ATP11B: variants seen among roughly 807,000 people sequenced by gnomAD.
ATP11B encodes ATPase phospholipid transporting 11B (putative).
A neutral mutation model predicts 157.8 loss-of-function variants in ATP11B; 81 were observed. The observed-to-expected ratio is 0.51, with a 90% CI of 0.43 to 0.62. ATP11B has a LOEUF of 0.62. Ranked by LOEUF, ATP11B falls within the 20% of genes least tolerant of loss-of-function variation. The pLI is 0.00. For synonymous variants in ATP11B, 451 were observed against 469.4 expected (o/e 0.96, Z 0.51); for missense variants, 1,165 against 1,402.2 (o/e 0.83, Z 2.70).
intron 4 of ATP11B, among the ~76,000 whole-genome samples, chr3:182,834,578 T>G (rs925923382): frequency 6.6e-6 from 1 of 152,196 alleles, no homozygotes; most frequent in African/African-American, 2.4e-5. Context: ...TTACTCTTTC[T>G]TAGATATGAT....
At chr3:182,909,833 G>A (rs1016411497) in intron 28 of ATP11B, among the ~76,000 whole-genome samples, 1 of 152,108 alleles carries the variant, frequency 6.6e-6, no homozygotes, top group Non-Finnish European at 1.5e-5. Context: ...GGAGGCTGAG[G>A]TGGGCGGATT....
intron 10 of ATP11B, among the ~76,000 whole-genome samples, chr3:182,852,709 G>A (rs1720075004): frequency 6.6e-6 from 1 of 152,170 alleles, no homozygotes; most frequent in East Asian, 1.9e-4. Flanking sequence ...TACAAAAACT[G>A]ACTCAAAGTG....
intron 7 of ATP11B, among the ~76,000 whole-genome samples, chr3:182,841,601 G>A: frequency 6.6e-6 from 1 of 152,084 alleles, no homozygotes; most frequent in Non-Finnish European, 1.5e-5. Flanking sequence ...AAAGCTTAAG[G>A]ACTGATAAGT....
In ATP11B at chr3:182,839,074, A is replaced by C. The variant is rs537693560; in HGVS notation, c.656+1900A>C. On this transcript the variant is annotated intron_variant, in intron 7 of 29. Coordinates refer to ENST00000323116, the MANE Select transcript of ATP11B (RefSeq NM_014616.3). ...AGATTGGATAAAGAAAATGAGGTAC[A>C]TATACACCACAGAATACTATGTAGG... Among the ~76,000 whole-genome samples the C allele has an allele frequency of 1.1e-4, 17 of 152,318 alleles. No homozygotes were observed. The East Asian group carries it at 3.1e-3, about 28-fold the overall frequency.
In ATP11B at chr3:182,793,686, T is replaced by A; in HGVS notation, c.-74T>A. The A allele has an allele frequency of 9.4e-7, 1 of 1,068,230 alleles. No individual in the cohort carries two copies. 66.2% of individuals were successfully genotyped at this position (1,068,230 alleles called of 1,614,324 possible). ...CCCGAGGGGCTCGCCCGCTCCCGCCTCTGTCTTGTCGGCCTCCACCTGCAG... is the reference window on the plus strand; with the variant it reads ...CCCGAGGGGCTCGCCCGCTCCCGCCACTGTCTTGTCGGCCTCCACCTGCAG... On this transcript the variant is annotated 5_prime_UTR_variant, in exon 1 of 30. Transcript: ENST00000323116.
chr3:182,793,550 G>A lies in ATP11B; in HGVS notation c.-210G>A. 2.8e-6 allele frequency: 1 copy of A among 360,630 alleles called. No homozygotes were observed. The highest frequency in any genetic ancestry group is 4.9e-6 in the Non-Finnish European group (1 of 202,548). The allele number at this position is 360,630 out of a possible 1,614,324, so 22.3% of individuals were successfully genotyped here. ...GCGGCGGCAGGCTCAGCTGCGCCGG[G>A]CGGGGGCGGCGCCGGGGCCGCGCCT... On this transcript the variant is annotated 5_prime_UTR_variant, in exon 1 of 30. Transcript: ENST00000323116.
intron 8 of ATP11B, among the ~76,000 whole-genome samples, chr3:182,845,196 G>C (rs752133211): frequency 1.3e-5 from 2 of 151,842 alleles, no homozygotes; most frequent in African/African-American, 2.4e-5. Context: ...TAGCAGAGAC[G>C]GGGTTTCACC....
At chr3:182,838,124 G>A (rs538308374) in intron 7 of ATP11B, among the ~76,000 whole-genome samples, 21 of 151,992 alleles carry the variant, frequency 1.4e-4, no homozygotes, top group African/African-American at 5.1e-4. Context: ...CTTTATAATG[G>A]AGGTTTTCTC....
chr3:182,850,733 G>T (rs964944142), intron 10 of ATP11B, among the ~76,000 whole-genome samples: 1 of 151,966 alleles, frequency 6.6e-6, no homozygotes, highest in African/African-American at 2.4e-5. Flanking sequence ...CCCACTACTG[G>T]GTTTTATCCA....
At chr3:182,835,283 T>C (rs1460922541) in intron 4 of ATP11B, among the ~76,000 whole-genome samples, 4 of 152,222 alleles carry the variant, frequency 2.6e-5, no homozygotes, top group African/African-American at 9.6e-5. Context: ...TCTGTCAGTC[T>C]GTTGTTTAAG....
intron 1 of ATP11B, among the ~76,000 whole-genome samples, chr3:182,797,532 A>C (rs1326634881): frequency 6.6e-6 from 1 of 152,098 alleles, no homozygotes; most frequent in East Asian, 1.9e-4. Flanking sequence ...ACATGGTGAA[A>C]CCTCATCTCT....
intron 1 of ATP11B, among the ~76,000 whole-genome samples, chr3:182,798,298 C>T (rs1715759888): frequency 6.6e-6 from 1 of 152,114 alleles, no homozygotes; most frequent in African/African-American, 2.4e-5. Context: ...TATTCACCTG[C>T]CAAATGTTGG....
intron 27 of ATP11B, among the ~76,000 whole-genome samples, chr3:182,897,842 A>G (rs1723662330): frequency 6.6e-6 from 1 of 152,120 alleles, no homozygotes; most frequent in African/African-American, 2.4e-5. Context: ...TCACAAAAGT[A>G]AGTAGTATGC....
intron 1 of ATP11B, among the ~76,000 whole-genome samples, chr3:182,796,647 G>T (rs1466021306): frequency 6.6e-6 from 1 of 152,172 alleles, no homozygotes; most frequent in African/African-American, 2.4e-5. Context: ...TAAAGCACTT[G>T]CTGTGTGCTG....
At chr3:182,830,835 A>G (rs568995216) in intron 4 of ATP11B, among the ~76,000 whole-genome samples, 4 of 152,178 alleles carry the variant, frequency 2.6e-5, no homozygotes, top group Non-Finnish European at 5.9e-5. Context: ...TCACTTTTCC[A>G]TTGGAGATTA....
intron 29 of ATP11B, chr3:182,916,840 T>TG (rs1467957239): frequency 3.0e-6 from 3 of 983,782 alleles, no homozygotes; most frequent in East Asian, 2.3e-4. Flanking sequence ...TCCGGATAAT[T>TG]GGAGTACTGA....
At chr3:182,812,092 T>A (rs1308977056) in intron 1 of ATP11B, among the ~76,000 whole-genome samples, 1 of 152,242 alleles carries the variant, frequency 6.6e-6, no homozygotes, top group South Asian at 2.1e-4. Context: ...GACATCTTTT[T>A]TTACTTCAAT....
At chr3:182,917,906 A>T in intron 29 of ATP11B, 117 bp from the exon 30 acceptor site, 1 of 1,422,906 alleles carries the variant, frequency 7.0e-7, no homozygotes, top group African/African-American at 1.4e-5. Flanking sequence ...ACCTCTCTTT[A>T]GTATTTAAAT....
At chr3:182,849,423 A>G (rs962412729) in intron 10 of ATP11B, among the ~76,000 whole-genome samples, 2 of 152,266 alleles carry the variant, frequency 1.3e-5, no homozygotes, top group Non-Finnish European at 1.5e-5. Flanking sequence ...TAATTCATCC[A>G]TAAGATAAAA....
Sources: allele counts gnomAD v4.1 joint callset (sites outside exome capture counted in the v4.1 genomes callset), GRCh38; gene constraint gnomAD v4.1.1; transcripts MANE v1.5; gene names NCBI Gene and HGNC (gene_info 2026-07-23, HGNC 2026-07-21).